PXDNL: variants seen among roughly 807,000 people sequenced by gnomAD.
PXDNL encodes the protein probable oxidoreductase PXDNL.
Under a neutral mutation model 150.8 loss-of-function variants are expected in PXDNL, and 145 were observed. That is an observed-to-expected ratio of 0.96 (90% CI 0.84 to 1.10). The LOEUF is 1.10. PXDNL is among the 50% of genes least tolerant of loss of function. The probability of loss-of-function intolerance (pLI) is 0.00; values close to 1 mark genes in which losing one functional copy is unlikely to be tolerated. For missense variants in PXDNL, 2,087 were observed against 1,873.9 expected (o/e 1.11, Z -2.10); for synonymous variants, 757 against 725.7 (o/e 1.04, Z -0.69).
At chr8:51,433,882 T>C (rs1165145232) in intron 12 of PXDNL, among the ~76,000 whole-genome samples, 1 of 152,156 alleles carries the variant, frequency 6.6e-6, no homozygotes, top group Non-Finnish European at 1.5e-5. Flanking sequence ...TATTTAATTG[T>C]ATAATTTTAT....
At chr8:51,662,330 C>T (rs192984468) in intron 1 of PXDNL, among the ~76,000 whole-genome samples, 49 of 151,338 alleles carry the variant, frequency 3.2e-4, no homozygotes, top group African/African-American at 1.1e-3. Context: ...CCAGCCTGGC[C>T]AATATGGTGA....
intron 17 of PXDNL, among the ~76,000 whole-genome samples, chr8:51,383,758 T>A (rs1807615971): frequency 6.6e-6 from 1 of 152,170 alleles, no homozygotes; most frequent in African/African-American, 2.4e-5. Flanking sequence ...AAGAAAAGAT[T>A]TGCAGACCTT....
intron 8 of PXDNL, among the ~76,000 whole-genome samples, chr8:51,469,887 A>G (rs922742602): frequency 9.2e-5 from 14 of 152,082 alleles, no homozygotes; most frequent in Non-Finnish European, 1.3e-4. Context: ...GTATAAAATG[A>G]TTAACATTTT....
At chr8:51,429,055 G>A (rs1222404756) in intron 12 of PXDNL, among the ~76,000 whole-genome samples, 1 of 51,924 alleles carries the variant, frequency 1.9e-5, no homozygotes, top group Non-Finnish European at 5.6e-5. Context: ...AGGATATACA[G>A]ATGGCAAGTC....
intron 1 of PXDNL, among the ~76,000 whole-genome samples, chr8:51,804,111 A>C (rs2037650700): frequency 6.6e-6 from 1 of 152,244 alleles, no homozygotes; most frequent in Non-Finnish European, 1.5e-5. Flanking sequence ...GAGACATGAG[A>C]CATCAATCAG....
intron 3 of PXDNL, among the ~76,000 whole-genome samples, chr8:51,560,927 C>T (rs556589169): frequency 6.2e-4 from 80 of 130,070 alleles, no homozygotes; most frequent in African/African-American, 2.9e-3. Context: ...CCTTCTACAA[C>T]TCAACAACAA....
chr8:51,441,419 G>C (rs1393065842), intron 12 of PXDNL, among the ~76,000 whole-genome samples: 4 of 152,184 alleles, frequency 2.6e-5, no homozygotes, highest in African/African-American at 7.2e-5. Context: ...GCGGAGACTA[G>C]CAATTACTTC....
chr8:51,392,961 C>A (rs1268043538), intron 17 of PXDNL, among the ~76,000 whole-genome samples: 1 of 152,170 alleles, frequency 6.6e-6, no homozygotes, highest in Non-Finnish European at 1.5e-5. Flanking sequence ...GTCTCACTTA[C>A]AGCCATTTGA....
At chr8:51,507,319 T>A (rs1585534962) in intron 4 of PXDNL, among the ~76,000 whole-genome samples, 1 of 152,176 alleles carries the variant, frequency 6.6e-6, no homozygotes, top group Admixed American at 6.5e-5. Context: ...CTGACCTAGA[T>A]GCAAAAGAGA....
intron 10 of PXDNL, 113 bp from the exon 11 acceptor site, chr8:51,449,231 T>G: frequency 1.6e-6 from 1 of 643,606 alleles, no homozygotes; most frequent in East Asian, 2.8e-5. Context: ...TTGTTTACAA[T>G]TATATATAAA....
intron 4 of PXDNL, among the ~76,000 whole-genome samples, chr8:51,525,869 G>T (rs1563450143): frequency 2.0e-5 from 3 of 152,134 alleles, no homozygotes; most frequent in Non-Finnish European, 2.9e-5. Context: ...CCACATATTT[G>T]CCCTAAAGAC....
chr8:51,626,078 G>A (rs1023952333), intron 2 of PXDNL, among the ~76,000 whole-genome samples: 2 of 152,160 alleles, frequency 1.3e-5, no homozygotes, highest in African/African-American at 2.4e-5. Context: ...TTATTGGTAT[G>A]CTAAAAATGT....
chr8:51,320,847 T>G lies in PXDNL; in HGVS notation c.4197A>C (p.Arg1399Ser), dbSNP rs751791668. Residue 1399 changes from arginine (R) to serine (S), a missense_variant, in exon 22 of 23, where the codon AGA becomes AGC. Physicochemically the swap from Arg to Ser is moderately radical, Grantham distance 110. Coordinates refer to ENST00000356297, the MANE Select transcript of PXDNL (RefSeq NM_144651.5). ...RLRQAGCTDVRGVPRKAEERW... is the reference protein window; with the variant it reads ...RLRQAGCTDVSGVPRKAEERW... ...GCTCCTCGGCCTTCCTTGGAACCCCTCTAACATCTGTACACCCTGCCTGCC... is the reference window on the plus strand; with the variant it reads ...GCTCCTCGGCCTTCCTTGGAACCCCGCTAACATCTGTACACCCTGCCTGCC... 2 of 1,613,968 alleles carry G rather than the reference T, an allele frequency of 1.2e-6. No individual in the cohort carries two copies. Among genetic ancestry groups the G allele is most frequent in the East Asian group, 4.5e-5 (2 of 44,886 alleles).
intron 17 of PXDNL, among the ~76,000 whole-genome samples, chr8:51,394,341 G>A (rs1808010546): frequency 6.6e-6 from 1 of 152,056 alleles, no homozygotes; most frequent in South Asian, 2.1e-4. Flanking sequence ...AAACCTAAGA[G>A]GTTAACAAGA....
At position 51,411,289 on chromosome 8, in the gene PXDNL, G is replaced by A. The variant is rs778899278; in HGVS notation, c.2023C>T (p.Arg675Cys). 4.5e-6 allele frequency: 7 copies of A among 1,546,450 alleles called. No individual in the cohort carries two copies. Among genetic ancestry groups the A allele is most frequent in the African/African-American group, 1.4e-5 (1 of 71,440 alleles). ...FEHTLQLIRE[R>C]VKQGLTVDLE... ...TCCACAGTGAGCCCCTGCTTCACAC[G>A]TTCCCGTATCAGCTGCAGCGTGTGC... Residue 675 changes from arginine (R) to cysteine (C), a missense_variant, in exon 16 of 23, where the codon CGT becomes TGT. By Grantham distance (180) the Arg-to-Cys change is radical. Transcript: ENST00000356297.
chr8:51,415,247 T>C (rs1050147277), intron 14 of PXDNL, among the ~76,000 whole-genome samples: 4 of 152,198 alleles, frequency 2.6e-5, no homozygotes, highest in African/African-American at 4.8e-5. Flanking sequence ...AGTGGAAGTA[T>C]GGGTGTATTA....
chr8:51,338,228 G>A (rs1044466705), intron 21 of PXDNL, among the ~76,000 whole-genome samples: 1 of 150,388 alleles, frequency 6.6e-6, no homozygotes, highest in Non-Finnish European at 1.5e-5. Flanking sequence ...GATTGGACAA[G>A]TGATTTCAAT....
At chr8:51,697,191 C>T (rs992036530) in intron 1 of PXDNL, among the ~76,000 whole-genome samples, 4 of 151,222 alleles carry the variant, frequency 2.6e-5, no homozygotes, top group African/African-American at 9.7e-5. Flanking sequence ...GTAATTCCAG[C>T]TACTTAGGAG....
chr8:51,508,948 G>A (rs1811349117), intron 4 of PXDNL, among the ~76,000 whole-genome samples: 1 of 152,068 alleles, frequency 6.6e-6, no homozygotes, highest in Admixed American at 6.5e-5. Flanking sequence ...CATCTAAGTG[G>A]TTGGTTGTAA....
Sources: allele counts gnomAD v4.1 joint callset (sites outside exome capture counted in the v4.1 genomes callset), GRCh38; gene constraint gnomAD v4.1.1; transcripts MANE v1.5; gene names NCBI Gene and HGNC (gene_info 2026-07-23, HGNC 2026-07-21).